SLC12A2: variants seen among roughly 807,000 people sequenced by gnomAD.
SLC12A2 encodes the protein solute carrier family 12 member 2.
In SLC12A2, 67 loss-of-function variants were observed where a neutral mutation model predicts 136.3. The ratio of observed to expected loss-of-function variants is 0.49; its 90% CI spans 0.40 to 0.60. The LOEUF is 0.60. SLC12A2 is among the 20% of genes least tolerant of loss of function. SLC12A2 has a pLI of 0.00. For synonymous variants in SLC12A2, 619 were observed against 562.9 expected, an observed-to-expected ratio of 1.10 and a Z score of -1.41; for missense variants, 1,322 against 1,534.7, an observed-to-expected ratio of 0.86 and a Z score of 2.32.
chr5:128,157,636 C>T (rs1019702209), intron 15 of SLC12A2, among the ~76,000 whole-genome samples: 8 of 151,980 alleles, frequency 5.3e-5, no homozygotes, highest in Admixed American at 2.6e-4. Context: ...ATATTTATTA[C>T]CTTTAGAAAA....
intron 1 of SLC12A2, among the ~76,000 whole-genome samples, chr5:128,105,055 C>A (rs1760883913): frequency 6.6e-6 from 1 of 152,094 alleles, no homozygotes; most frequent in Non-Finnish European, 1.5e-5. Flanking sequence ...TTCACTGAAA[C>A]CATCAGGAAT....
chr5:128,095,313 G>C (rs1266435820), intron 1 of SLC12A2, among the ~76,000 whole-genome samples: 1 of 134,168 alleles, frequency 7.5e-6, no homozygotes, highest in Admixed American at 7.5e-5. Flanking sequence ...AGTCTCAGGA[G>C]TAGGTGGGTT....
chr5:128,085,841 C>G (rs1299558029), intron 1 of SLC12A2, among the ~76,000 whole-genome samples: 2 of 152,198 alleles, frequency 1.3e-5, no homozygotes, highest in African/African-American at 2.4e-5. Context: ...GAGGTAATTA[C>G]AGAGCTCTTA....
At chr5:128,123,762 A>G (rs947425189) in intron 4 of SLC12A2, among the ~76,000 whole-genome samples, 5 of 152,292 alleles carry the variant, frequency 3.3e-5, no homozygotes, top group African/African-American at 9.6e-5. Context: ...CTTCAATGGC[A>G]TCATTAGAAA....
At chr5:128,184,939 T>A (rs2126761967) in intron 26 of SLC12A2, 83 bp downstream of exon 26, 1 of 1,180,746 alleles carries the variant, frequency 8.5e-7, no homozygotes, top group Non-Finnish European at 1.2e-6. Context: ...TACATATCTA[T>A]ATAACACCCA....
chr5:128,093,899 T>C (rs1641331765), intron 1 of SLC12A2, among the ~76,000 whole-genome samples: 1 of 152,146 alleles, frequency 6.6e-6, no homozygotes, highest in African/African-American at 2.4e-5. Context: ...TATTTCTGGT[T>C]TGCCTCTTCT....
chr5:128,147,048 T>G (rs1252761252), intron 10 of SLC12A2, among the ~76,000 whole-genome samples: 1 of 148,180 alleles, frequency 6.7e-6, no homozygotes, highest in Admixed American at 6.7e-5. Flanking sequence ...TGAAAAAGAC[T>G]GAAGAGACGC....
intron 4 of SLC12A2, among the ~76,000 whole-genome samples, chr5:128,124,193 T>C (rs963430654): frequency 2.6e-5 from 4 of 152,244 alleles, no homozygotes; most frequent in Non-Finnish European, 5.9e-5. Flanking sequence ...GCAATACTAC[T>C]AGGATCTGTT....
chr5:128,160,070 G>A (rs1421660774), intron 16 of SLC12A2, among the ~76,000 whole-genome samples: 1 of 152,154 alleles, frequency 6.6e-6, no homozygotes, highest in East Asian at 1.9e-4. Flanking sequence ...AAAAAAGAAT[G>A]AGTTCATGTC....
intron 4 of SLC12A2, among the ~76,000 whole-genome samples, chr5:128,130,319 A>G (rs1377891407): frequency 1.3e-5 from 2 of 152,212 alleles, no homozygotes; most frequent in African/African-American, 4.8e-5. Context: ...GATTGAGACC[A>G]TCCTGGCCAA....
intron 18 of SLC12A2, chr5:128,169,279 C>A (rs1581131935): frequency 1.3e-5 from 2 of 152,136 alleles, no homozygotes; most frequent in African/African-American, 4.8e-5. Flanking sequence ...AAGTTTAAGT[C>A]CTATTTTCTC....
intron 4 of SLC12A2, among the ~76,000 whole-genome samples, chr5:128,123,425 A>G (rs923316958): frequency 6.6e-6 from 1 of 152,182 alleles, no homozygotes; most frequent in African/African-American, 2.4e-5. Flanking sequence ...TTATTTTTAC[A>G]AAATTTTCAC....
At chr5:128,174,483 C>T (rs1251668206) in intron 19 of SLC12A2, 58 bp from the exon 20 acceptor site, 3 of 1,309,240 alleles carry the variant, frequency 2.3e-6, no homozygotes, top group South Asian at 1.4e-5. Context: ...ACCATAATGC[C>T]TTATTTAACA....
At chr5:128,111,863 G>A (rs1048407711) in intron 1 of SLC12A2, among the ~76,000 whole-genome samples, 1 of 151,342 alleles carries the variant, frequency 6.6e-6, no homozygotes, top group Non-Finnish European at 1.5e-5. Context: ...ATTCACTAAA[G>A]GATGTGAAGT....
chr5:128,164,290 T>C (rs1419797575), intron 17 of SLC12A2, among the ~76,000 whole-genome samples: 1 of 152,186 alleles, frequency 6.6e-6, no homozygotes, highest in East Asian at 1.9e-4. Flanking sequence ...GTGGTGTAAA[T>C]GATTCTTCTG....
chr5:128,186,471 TTTC>T (rs1763872599), intron 26 of SLC12A2, 22 bp from the exon 27 acceptor site: 1 of 1,571,688 alleles, frequency 6.4e-7, no homozygotes, highest in Non-Finnish European at 8.6e-7. Context: ...GTTTTTTTTT[TTTC>T]TTTTTCTCTT....
In SLC12A2 at chr5:128,150,032, T is replaced by C; in HGVS notation, c.2041T>C (p.Phe681Leu). 1 of 1,611,286 alleles carries C rather than the reference T, an allele frequency of 6.2e-7. No homozygotes were observed. Among genetic ancestry groups the C allele is most frequent in the Non-Finnish European group, 8.5e-7 (1 of 1,178,640 alleles). ...LNVIAPIISN[F>L]FLASYALINF... ...TGTTATTGCACCAATTATCTCAAAC[T>C]TCTTCCTTGCATCATATGCATTGAT... The change falls in exon 13 of 27, where the codon TTC becomes CTC. Residue 681 changes from phenylalanine (F) to leucine (L), a missense_variant. By Grantham distance (22) the Phe-to-Leu change is conservative. Coordinates refer to ENST00000262461, the MANE Select transcript of SLC12A2 (RefSeq NM_001046.3).
chr5:128,145,750 T>A (rs948688697), intron 10 of SLC12A2, among the ~76,000 whole-genome samples: 7 of 152,042 alleles, frequency 4.6e-5, no homozygotes, highest in Non-Finnish European at 8.8e-5. Flanking sequence ...GGACAGGGAT[T>A]GTACCCGTTG....
At chr5:128,140,044 G>A (rs1444386186) in intron 9 of SLC12A2, among the ~76,000 whole-genome samples, 8 of 152,074 alleles carry the variant, frequency 5.3e-5, no homozygotes, top group Non-Finnish European at 1.0e-4. Flanking sequence ...TGTTTCCCAG[G>A]CTGGAGTGCA....
Sources: allele counts gnomAD v4.1 joint callset (sites outside exome capture counted in the v4.1 genomes callset), GRCh38; gene constraint gnomAD v4.1.1; transcripts MANE v1.5; gene names NCBI Gene and HGNC (gene_info 2026-07-23, HGNC 2026-07-21).